The following CPNE8 variants were observed in gnomAD, a reference collection of about 807,000 sequenced individuals.
The protein encoded by CPNE8 is copine-8.
CPNE8 carries 45 observed loss-of-function variants against 81.5 expected under a neutral mutation model. The ratio of observed to expected loss-of-function variants is 0.55; its 90% confidence interval spans 0.44 to 0.71. The LOEUF is 0.71. Ranked by LOEUF, CPNE8 falls within the 30% of genes least tolerant of loss-of-function variation. The pLI is 0.00. For missense variants in CPNE8, 594 were observed against 672.1 expected, an observed-to-expected ratio of 0.88 and a Z score of 1.28; for synonymous variants, 252 against 226.3, an observed-to-expected ratio of 1.11 and a Z score of -1.02.
At position 38,824,627 on chromosome 12, in the gene CPNE8, CTAAT is replaced by C. The variant is rs142678250; in HGVS notation, c.407+4748_407+4751del. On this transcript the variant is annotated intron_variant, in intron 6 of 19. Coordinates refer to ENST00000331366, the MANE Select transcript of CPNE8 (RefSeq NM_153634.3). ...AATAACTTAGAATATAAATGGGAAA[CTAAT>C]TGGGAAATAAATCTCTAATCTAAAA... 1.0e-3 allele frequency among the ~76,000 whole-genome samples: 153 copies of C among 150,056 alleles called. 1 individual carries two copies. Among genetic ancestry groups the C allele is most frequent in the Middle Eastern group, 3.4e-3 (1 of 292 alleles).
chr12:38,799,113 C>A (rs558919063), intron 6 of CPNE8, among the ~76,000 whole-genome samples: 68 of 152,266 alleles, frequency 4.5e-4, no homozygotes, highest in African/African-American at 1.3e-3. Context: ...GACTTTAACA[C>A]CCCACTGTCA....
chr12:38,671,760 T>TA (rs2136644492), intron 18 of CPNE8, among the ~76,000 whole-genome samples: 1 of 152,278 alleles, frequency 6.6e-6, no homozygotes, highest in South Asian at 2.1e-4. Context: ...AGTGCTTAGA[T>TA]AATGCATTTG....
chr12:38,799,864 A>C (rs910147222), intron 6 of CPNE8, among the ~76,000 whole-genome samples: 1 of 151,480 alleles, frequency 6.6e-6, no homozygotes, highest in Non-Finnish European at 1.5e-5. Flanking sequence ...GGGGTCAGGG[A>C]GTTCCCTTTC....
intron 10 of CPNE8, among the ~76,000 whole-genome samples, chr12:38,738,511 A>T (rs1404864643): frequency 2.0e-5 from 3 of 152,176 alleles, no homozygotes. Context: ...TGCTGTATAG[A>T]TAAGGGATTG....
In CPNE8 at chr12:38,905,559, G is replaced by T. The variant is rs1195834782; in HGVS notation, c.-25C>A. On this transcript the variant is annotated 5_prime_UTR_variant, in exon 1 of 20. Transcript: ENST00000331366. ...TATTGGGAGGAGGCGCCTTGGACTT[G>T]TCCGGCGCCCACAACCACAGCTCGG... 4 of 1,548,878 alleles carry T rather than the reference G, an allele frequency of 2.6e-6. No homozygotes were observed. The highest frequency in any genetic ancestry group is 3.5e-6 in the Non-Finnish European group (4 of 1,148,006).
Position 38,892,823 on chromosome 12 carries a change from G to A in CPNE8, c.98+12614C>T, listed in dbSNP as rs566513616. 8.5e-5 allele frequency among the ~76,000 whole-genome samples: 13 copies of A among 152,240 alleles called. 1 individual carries two copies. The East Asian group carries it at 2.5e-3, about 29-fold the overall frequency. ...AAAAGTAAATTACTGAAAAGGCACC[G>A]ATATCTATTCATATCAAACACTGTT... On this transcript the variant is annotated intron_variant, in intron 1 of 19. Coordinates refer to ENST00000331366, the MANE Select transcript of CPNE8 (RefSeq NM_153634.3).
chr12:38,676,995 T>TCA (rs1555142096), intron 17 of CPNE8, among the ~76,000 whole-genome samples: 2 of 50,460 alleles, frequency 4.0e-5, no homozygotes, highest in African/African-American at 6.0e-5. Context: ...CAAATAACCC[T>TCA]AAAAAAAAAA....
At chr12:38,843,515 C>T (rs1001025446) in intron 4 of CPNE8, among the ~76,000 whole-genome samples, 9 of 151,962 alleles carry the variant, frequency 5.9e-5, no homozygotes, top group African/African-American at 1.9e-4. Flanking sequence ...GGGATGCCTG[C>T]AAGGTATCTG....
At chr12:38,811,074 A>T (rs535764539) in intron 6 of CPNE8, among the ~76,000 whole-genome samples, 1 of 152,254 alleles carries the variant, frequency 6.6e-6, no homozygotes, top group African/African-American at 2.4e-5. Flanking sequence ...CTGCCATGCA[A>T]AGTAGCCTAA....
At chr12:38,695,227 G>A (rs951492915) in intron 14 of CPNE8, among the ~76,000 whole-genome samples, 2 of 152,100 alleles carry the variant, frequency 1.3e-5, no homozygotes, top group African/African-American at 4.8e-5. Context: ...CTACAACCAA[G>A]GAGTATCTTT....
At chr12:38,891,832 C>T (rs552235900) in intron 1 of CPNE8, among the ~76,000 whole-genome samples, 30 of 152,246 alleles carry the variant, frequency 2.0e-4, no homozygotes, top group Non-Finnish European at 3.8e-4. Context: ...TTCTTCCAAT[C>T]TATCAAGTGG....
rs769617735 is a variant in CPNE8, at chr12:38,654,048, A to G, written c.1529T>C (p.Ile510Thr). The G allele has an allele frequency of 6.8e-6, 11 of 1,607,878 alleles. No individual in the cohort carries two copies. Among genetic ancestry groups the G allele is most frequent in the African/African-American group, 1.3e-5 (1 of 74,678 alleles). ...CAGTATGTGGTTTCCACTTCTGTCA[A>G]TATAATCCCTGAATGGCACAAACTA... ...IVQFVPFRDY[I>T]DRSGNHILSM... Residue 510 changes from isoleucine (I) to threonine (T), a missense_variant, in exon 20 of 20, where the codon ATT becomes ACT. Transcript: ENST00000331366.
At position 38,697,026 on chromosome 12, in the gene CPNE8, G is replaced by A. The variant is rs545676249; in HGVS notation, c.962-3188C>T. ...TGCACCCCTGTACTCCAGCCTGGGC[G>A]ACAGAGTGAGATCCCCCATCTCAAA... On this transcript the variant is annotated intron_variant, in intron 14 of 19. Transcript: ENST00000331366. Among the ~76,000 whole-genome samples the A allele has an allele frequency of 3.7e-3, 563 of 152,250 alleles. 2 individuals carry two copies. The highest frequency in any genetic ancestry group is 6.9e-3 in the Admixed American group (106 of 15,286).
At chr12:38,713,189 T>G (rs1940303115) in intron 13 of CPNE8, among the ~76,000 whole-genome samples, 1 of 152,162 alleles carries the variant, frequency 6.6e-6, no homozygotes, top group Non-Finnish European at 1.5e-5. Context: ...AGCAACCACT[T>G]CTTTGAAATT....
chr12:38,808,251 G>T (rs1942860637), intron 6 of CPNE8, among the ~76,000 whole-genome samples: 1 of 152,082 alleles, frequency 6.6e-6, no homozygotes, highest in East Asian at 1.9e-4. Flanking sequence ...TCCTATTACT[G>T]GTTATATACC....
chr12:38,786,475 A>C (rs1408642379), intron 6 of CPNE8, among the ~76,000 whole-genome samples: 3 of 152,126 alleles, frequency 2.0e-5, no homozygotes, highest in Admixed American at 2.0e-4. Flanking sequence ...CTCCTGCTGG[A>C]TACTTCTTGC....
At chr12:38,795,071 A>G (rs1942425598) in intron 6 of CPNE8, among the ~76,000 whole-genome samples, 3 of 152,180 alleles carry the variant, frequency 2.0e-5, no homozygotes, top group Admixed American at 1.3e-4. Flanking sequence ...TCTTGGACTT[A>G]TACCAATGGC....
chr12:38,793,689 C>T (rs1298346150), intron 6 of CPNE8, among the ~76,000 whole-genome samples: 1 of 151,400 alleles, frequency 6.6e-6, no homozygotes, highest in African/African-American at 2.4e-5. Flanking sequence ...ATGCCAATGG[C>T]ATTTTTTTGC....
chr12:38,783,884 GC>G (rs1942109519), intron 6 of CPNE8, among the ~76,000 whole-genome samples: 1 of 152,150 alleles, frequency 6.6e-6, no homozygotes. Flanking sequence ...GGAAAGTCTT[GC>G]CAAGAAGAAT....
Sources: gnomAD v4.1 joint callset for allele counts (sites outside exome capture counted in the v4.1 genomes callset) on GRCh38, gnomAD v4.1.1 for gene constraint, MANE v1.5 for transcripts, NCBI Gene and HGNC (gene_info 2026-07-23, HGNC 2026-07-21) for gene names.